The following SAP130 variants were observed in gnomAD, a reference collection of about 807,000 sequenced individuals.
The protein encoded by SAP130 is Sin3A associated protein 130.
A neutral mutation model predicts 103.2 loss-of-function variants in SAP130; 16 were observed. The observed-to-expected ratio is 0.16, with a 90% CI of 0.10 to 0.24. The LOEUF is 0.24. Among genes scored for constraint, SAP130 ranks in the 10% least tolerant of loss-of-function variants. The probability of loss-of-function intolerance (pLI) is 1.00; values close to 1 mark genes in which losing one functional copy is unlikely to be tolerated. For synonymous variants in SAP130, 477 were observed against 497.0 expected (o/e 0.96, Z 0.53); for missense variants, 990 against 1,359.7 (o/e 0.73, Z 4.28).
At chr2:128,009,092 C>T (rs542099045) in intron 7 of SAP130, among the ~76,000 whole-genome samples, 2 of 152,264 alleles carry the variant, frequency 1.3e-5, no homozygotes, top group East Asian at 3.9e-4. Flanking sequence ...GGCAAATAAT[C>T]GTGACTCCTC....
At chr2:127,990,779 A>G (rs528235190) in intron 12 of SAP130, among the ~76,000 whole-genome samples, 12 of 152,028 alleles carry the variant, frequency 7.9e-5, no homozygotes, top group Non-Finnish European at 1.5e-4. Flanking sequence ...TATCTCTATA[A>G]AAAATTAAAG....
intron 2 of SAP130, among the ~76,000 whole-genome samples, chr2:128,025,506 T>A (rs902615412): frequency 6.6e-6 from 1 of 152,220 alleles, no homozygotes; most frequent in African/African-American, 2.4e-5. Context: ...CAACTTTGGA[T>A]GTTAAATATT....
chr2:127,979,353 T>A (rs1681700177), intron 14 of SAP130, among the ~76,000 whole-genome samples: 1 of 152,168 alleles, frequency 6.6e-6, no homozygotes, highest in Admixed American at 6.5e-5. Context: ...ATAATACATG[T>A]CTGTTGCCTT....
rs893183921 is a variant in SAP130 at position 127,953,597 on chromosome 2, T to TA, written c.2422+1388dup. ...TCCTGCTGCCTGCCACTCCCCTTATTACTTAGCTCCAGCGACCTTTGGTTC... is the reference window on the plus strand; with the variant it reads ...TCCTGCTGCCTGCCACTCCCCTTATTAACTTAGCTCCAGCGACCTTTGGTTC... On this transcript the variant is annotated intron_variant, in intron 16 of 20. Coordinates refer to ENST00000643581, the MANE Select transcript of SAP130 (RefSeq NM_001330301.2). The surrounding 1 kb of genome is among the most constrained non-coding windows in gnomAD (Gnocchi z 4.0). Among the ~76,000 whole-genome samples, 6 of 152,152 alleles carry TA rather than the reference T, an allele frequency of 3.9e-5. No individual in the cohort carries two copies. The highest frequency in any genetic ancestry group is 8.8e-5 in the Non-Finnish European group (6 of 67,992).
chr2:127,963,438 C>T (rs191884574), intron 15 of SAP130, among the ~76,000 whole-genome samples: 53 of 152,274 alleles, frequency 3.5e-4, no homozygotes, highest in African/African-American at 1.2e-3. Flanking sequence ...CCATGTTGCC[C>T]AAGCCGGTCT....
chr2:128,024,345 G>A (rs1328690081), intron 2 of SAP130, among the ~76,000 whole-genome samples: 1 of 151,950 alleles, frequency 6.6e-6, no homozygotes, highest in Non-Finnish European at 1.5e-5. Flanking sequence ...GTTGGCAGGA[G>A]GAAGGCTAAA....
chr2:127,997,296 AC>A (rs567710903), intron 10 of SAP130, among the ~76,000 whole-genome samples: 23 of 152,244 alleles, frequency 1.5e-4, no homozygotes, highest in Non-Finnish European at 2.9e-4. Context: ...CTATCTATTA[AC>A]AGTATGCCTG....
chr2:128,003,918 T>C (rs1683756572), intron 7 of SAP130, among the ~76,000 whole-genome samples: 1 of 149,508 alleles, frequency 6.7e-6, no homozygotes, highest in African/African-American at 2.5e-5. Context: ...CGGATTTTGG[T>C]TTAGGGATAC....
At chr2:127,951,256 T>C (rs993694323) in intron 16 of SAP130, among the ~76,000 whole-genome samples, 4 of 152,194 alleles carry the variant, frequency 2.6e-5, no homozygotes, top group Non-Finnish European at 4.4e-5. Flanking sequence ...CTTGAGCTTG[T>C]ATGAATCATA....
intron 15 of SAP130, among the ~76,000 whole-genome samples, chr2:127,967,882 A>G (rs1380940542): frequency 2.6e-5 from 4 of 152,226 alleles, no homozygotes; most frequent in Non-Finnish European, 5.9e-5. Flanking sequence ...AGGATAGACC[A>G]TATGTTAGGT....
At chr2:128,026,413 A>G in intron 1 of SAP130, 115 bp from the exon 2 acceptor site, 1 of 667,848 alleles carries the variant, frequency 1.5e-6, no homozygotes, top group South Asian at 2.1e-5. Context: ...CAAATGCTGC[A>G]TCATTTATTT....
In SAP130 at chr2:127,941,983, C is replaced by T; in HGVS notation, c.*23G>A. 8.5e-7 allele frequency: 1 copy of T among 1,175,872 alleles called. No individual in the cohort carries two copies. The allele number at this position is 1,175,872 out of a possible 1,614,324, so 72.8% of individuals were successfully genotyped here. A position where few individuals can be genotyped will look rare whatever the true frequency, so the allele number is the denominator to read the frequency against. Reference sequence around the variant, plus strand: ...ACCATCATTCTTCATAAATTTGCTTCCAATCTCCTGATTGTTCTGGGTCTA... The same window carrying T: ...ACCATCATTCTTCATAAATTTGCTTTCAATCTCCTGATTGTTCTGGGTCTA... On this transcript the variant is annotated 3_prime_UTR_variant, in exon 21 of 21. Coordinates refer to ENST00000643581, the MANE Select transcript of SAP130 (RefSeq NM_001330301.2).
At chr2:127,954,489 C>G (rs575757246) in intron 16 of SAP130, among the ~76,000 whole-genome samples, 3 of 151,212 alleles carry the variant, frequency 2.0e-5, no homozygotes, top group Non-Finnish European at 4.4e-5. Context: ...TTGACTTTCT[C>G]AAACCGGAAG....
intron 4 of SAP130, among the ~76,000 whole-genome samples, chr2:128,015,530 A>T (rs1209445057): frequency 6.6e-6 from 1 of 152,204 alleles, no homozygotes; most frequent in African/African-American, 2.4e-5. Flanking sequence ...GAAAGTTTTT[A>T]GATTTAGTTT....
At chr2:128,026,084 T>G (rs1685476492) in intron 2 of SAP130, 97 bp downstream of exon 2, 1 of 822,168 alleles carries the variant, frequency 1.2e-6, no homozygotes, top group Admixed American at 2.3e-5. Context: ...AAACAAGAAT[T>G]TACTAAAATC....
chr2:128,018,329 A>C lies in SAP130; in HGVS notation c.113-414T>G, dbSNP rs1451722694. On this transcript the variant is annotated intron_variant, in intron 2 of 20. Transcript: ENST00000643581. ...CTAAAAATACAAAAAAAAAAAAAAA[A>C]AACAAACCAAAAACCAAAAACCACG... Among the ~76,000 whole-genome samples, 12 of 147,180 alleles carry C rather than the reference A, an allele frequency of 8.2e-5. No individual in the cohort carries two copies. The South Asian group carries it at 1.0e-3, about 13-fold the overall frequency.
At position 127,950,425 on chromosome 2, in the gene SAP130, A is replaced by G. The variant is rs770056776; in HGVS notation, c.2423-17T>C. On this transcript the variant is annotated splice_polypyrimidine_tract_variant and intron_variant, in intron 16 of 20. Coordinates refer to ENST00000643581, the MANE Select transcript of SAP130 (RefSeq NM_001330301.2). ...GAGGAACTGCTGTCATAGGAAAAGG[A>G]GCACACATATCTGTAAGAACTCAAA... is the stretch of plus-strand genomic sequence containing the variant. 8 of 1,613,598 alleles carry G rather than the reference A, an allele frequency of 5.0e-6. No individual in the cohort carries two copies. Among genetic ancestry groups the G allele is most frequent in the Non-Finnish European group, 5.9e-6 (7 of 1,179,572 alleles).
At chr2:127,956,984 T>C (rs1422690770) in intron 15 of SAP130, among the ~76,000 whole-genome samples, 3 of 152,294 alleles carry the variant, frequency 2.0e-5, no homozygotes, top group Admixed American at 6.5e-5. Flanking sequence ...ATTGTATACT[T>C]GGGATTTTCA....
At chr2:127,947,685 A>C (rs2104705560) in intron 18 of SAP130, among the ~76,000 whole-genome samples, 1 of 152,068 alleles carries the variant, frequency 6.6e-6, no homozygotes, top group African/African-American at 2.4e-5. Context: ...ATTTTACTCT[A>C]TGTGACATTA....
Sources: gnomAD v4.1 joint callset for allele counts (sites outside exome capture counted in the v4.1 genomes callset) on GRCh38, gnomAD v4.1.1 for gene constraint, Gnocchi (gnomAD v3.1) non-coding constraint, MANE v1.5 for transcripts, NCBI Gene and HGNC (gene_info 2026-07-23, HGNC 2026-07-21) for gene names.